VPS13B: variants seen among roughly 807,000 people sequenced by gnomAD.
VPS13B encodes vacuolar protein sorting 13 homolog B, also known as intermembrane lipid transfer protein VPS13B.
VPS13B carries 285 observed loss-of-function variants against 426.4 expected under a neutral mutation model. That is an observed-to-expected ratio of 0.67 (90% CI 0.61 to 0.74). VPS13B has a LOEUF of 0.74. VPS13B is among the 30% of genes least tolerant of loss of function. The pLI, the probability that VPS13B is intolerant of heterozygous loss-of-function variation, is 0.00. For synonymous variants in VPS13B, 1,676 were observed against 1,676.4 expected, an observed-to-expected ratio of 1.00 and a Z score of 0.01; for missense variants, 4,537 against 4,782.6, an observed-to-expected ratio of 0.95 and a Z score of 1.51.
intron 17 of VPS13B, chr8:99,233,469 TG>T: frequency 7.4e-7 from 1 of 1,351,832 alleles, no homozygotes; most frequent in Non-Finnish European, 1.1e-6. Flanking sequence ...CAGCCTGGGT[TG>T]GGATGAAGAG....
chr8:99,381,755 T>C (rs1313693336), intron 19 of VPS13B, among the ~76,000 whole-genome samples: 2 of 149,468 alleles, frequency 1.3e-5, no homozygotes. Context: ...ATGGACTTGC[T>C]TTTTTTTTTC....
chr8:99,436,552 A>G (rs1192049140), intron 22 of VPS13B, among the ~76,000 whole-genome samples: 1 of 152,150 alleles, frequency 6.6e-6, no homozygotes, highest in Admixed American at 6.5e-5. Flanking sequence ...ATACATCTTT[A>G]TATAGGTTAT....
chr8:99,231,938 T>G (rs1356747740), intron 17 of VPS13B, among the ~76,000 whole-genome samples: 8 of 152,146 alleles, frequency 5.3e-5, no homozygotes, highest in Non-Finnish European at 1.2e-4. Context: ...TTTTTCTTTG[T>G]TTGGTTGATT....
intron 2 of VPS13B, 35 bp from the exon 3 acceptor site, chr8:99,038,388 C>T (rs1842835276): frequency 6.5e-6 from 10 of 1,534,638 alleles, no homozygotes; most frequent in African/African-American, 1.4e-5. Flanking sequence ...ATATTAAGCA[C>T]TTACTAATTT....
intron 31 of VPS13B, among the ~76,000 whole-genome samples, chr8:99,559,451 T>C (rs1430213518): frequency 6.6e-6 from 1 of 152,230 alleles, no homozygotes; most frequent in Non-Finnish European, 1.5e-5. Context: ...TTGCCATTGC[T>C]TTTGGTGTTT....
chr8:99,274,142 A>C, intron 17 of VPS13B, 56 bp from the exon 18 acceptor site: 1 of 1,608,152 alleles, frequency 6.2e-7, no homozygotes, highest in East Asian at 2.2e-5. Flanking sequence ...TGGTGAAGGA[A>C]TATAAAAATT....
At chr8:99,558,977 A>G (rs568766514) in intron 31 of VPS13B, among the ~76,000 whole-genome samples, 1 of 152,332 alleles carries the variant, frequency 6.6e-6, no homozygotes, top group Admixed American at 6.5e-5. Flanking sequence ...TCCTTGAGGA[A>G]TTGCCACACT....
chr8:99,820,846 A>AT lies in VPS13B; in HGVS notation c.8995-442dup, dbSNP rs556765533. ...GTCATAAACATCTTTATTTAATTGC[A>AT]TTTTTTCTTTTTTCTGTAAAATAAT... On this transcript the variant is annotated intron_variant, in intron 49 of 61. Coordinates refer to ENST00000357162, the MANE Select transcript of VPS13B (RefSeq NM_152564.5). 8.4e-4 allele frequency among the ~76,000 whole-genome samples: 128 copies of AT among 151,996 alleles called. 1 individual carries two copies. Among genetic ancestry groups the AT allele is most frequent in the African/African-American group, 2.9e-3 (120 of 41,470 alleles).
At chr8:99,659,971 T>A (rs1157344380) in intron 34 of VPS13B, among the ~76,000 whole-genome samples, 1 of 152,202 alleles carries the variant, frequency 6.6e-6, no homozygotes, top group African/African-American at 2.4e-5. Context: ...ACAAACTGGT[T>A]GTAGATCCTA....
intron 25 of VPS13B, among the ~76,000 whole-genome samples, chr8:99,490,964 G>C (rs930331007): frequency 2.0e-5 from 3 of 152,076 alleles, no homozygotes; most frequent in Middle Eastern, 3.4e-3. Context: ...TTTGTTTGCT[G>C]TTGCTTCTCT....
chr8:99,618,176 A>G (rs1215667350), intron 33 of VPS13B, among the ~76,000 whole-genome samples: 1 of 151,808 alleles, frequency 6.6e-6, no homozygotes, highest in Non-Finnish European at 1.5e-5. Context: ...ATTTTCTAGC[A>G]TGTTTCTTAT....
At chr8:99,282,720 TATG>T (rs1490552247) in intron 19 of VPS13B, among the ~76,000 whole-genome samples, 1 of 152,186 alleles carries the variant, frequency 6.6e-6, no homozygotes, top group African/African-American at 2.4e-5. Flanking sequence ...TTTATGTGAT[TATG>T]ATGTTATTTT....
intron 42 of VPS13B, among the ~76,000 whole-genome samples, chr8:99,780,442 A>T (rs1811962619): frequency 6.6e-6 from 1 of 152,162 alleles, no homozygotes; most frequent in South Asian, 2.1e-4. Flanking sequence ...TCTCTTAGAC[A>T]CAGCTATACA....
Position 99,801,669 on chromosome 8 carries a change from C to T in VPS13B, c.7942-7706C>T, listed in dbSNP as rs564167981. On this transcript the variant is annotated intron_variant, in intron 43 of 61. Coordinates refer to ENST00000357162, the MANE Select transcript of VPS13B (RefSeq NM_152564.5). ...TTCCCCAAGCAGAACACCTCAGAAG[C>T]CCTATGTTTTTCTTACTCTAAAAAC... Among the ~76,000 whole-genome samples the T allele has an allele frequency of 2.0e-5, 3 of 152,284 alleles. No individual in the cohort carries two copies. The East Asian group carries it at 5.8e-4, about 29-fold the overall frequency.
intron 33 of VPS13B, among the ~76,000 whole-genome samples, chr8:99,591,278 A>C (rs1239363122): frequency 6.7e-6 from 1 of 150,360 alleles, no homozygotes; most frequent in Non-Finnish European, 1.5e-5. Context: ...TGAATCCAGC[A>C]CATTGACGGG....
chr8:99,200,602 G>A (rs945386852), intron 17 of VPS13B, among the ~76,000 whole-genome samples: 2 of 152,042 alleles, frequency 1.3e-5, no homozygotes, highest in Non-Finnish European at 2.9e-5. Context: ...CATTGTAGGT[G>A]TGAAGTGGCA....
chr8:99,649,848 C>A (rs971736446), intron 34 of VPS13B, among the ~76,000 whole-genome samples: 6 of 152,144 alleles, frequency 3.9e-5, no homozygotes, highest in Non-Finnish European at 7.3e-5. Flanking sequence ...GGCTCACTCT[C>A]GAGTTAAACT....
intron 39 of VPS13B, among the ~76,000 whole-genome samples, chr8:99,731,904 T>A (rs1833617555): frequency 6.6e-6 from 1 of 151,502 alleles, no homozygotes; most frequent in Admixed American, 6.6e-5. Flanking sequence ...TAAGCCTGAA[T>A]CAACCCTGCA....
intron 22 of VPS13B, among the ~76,000 whole-genome samples, chr8:99,439,546 C>T (rs1352547207): frequency 6.6e-6 from 1 of 151,894 alleles, no homozygotes; most frequent in Non-Finnish European, 1.5e-5. Flanking sequence ...AAACTCTTTC[C>T]TGAAGAGTAA....
Sources: allele counts gnomAD v4.1 joint callset (sites outside exome capture counted in the v4.1 genomes callset), GRCh38; gene constraint gnomAD v4.1.1; transcripts MANE v1.5; gene names NCBI Gene and HGNC (gene_info 2026-07-23, HGNC 2026-07-21).